The following ATP11A variants were observed in gnomAD, a reference collection of about 807,000 sequenced individuals.
The protein encoded by ATP11A is phospholipid-transporting ATPase IH.
Under a neutral mutation model 154.4 loss-of-function variants are expected in ATP11A, and 81 were observed. The observed-to-expected ratio is 0.52, with a 90% CI of 0.44 to 0.63. The LOEUF is 0.63. Ranked by LOEUF, ATP11A falls within the 30% of genes least tolerant of loss-of-function variation. The pLI is 0.00. For missense variants in ATP11A, 1,316 were observed against 1,474.3 expected, an observed-to-expected ratio of 0.89 and a Z score of 1.76; for synonymous variants, 623 against 585.9, an observed-to-expected ratio of 1.06 and a Z score of -0.91.
At chr13:112,717,990 C>G (rs1888675705) in intron 1 of ATP11A, among the ~76,000 whole-genome samples, 1 of 152,200 alleles carries the variant, frequency 6.6e-6, no homozygotes, top group Non-Finnish European at 1.5e-5. Flanking sequence ...TCAGGAGAAT[C>G]ACTTGAACCC....
intron 29 of ATP11A, among the ~76,000 whole-genome samples, chr13:112,879,052 T>G (rs1390083748): frequency 2.0e-5 from 3 of 152,254 alleles, no homozygotes; most frequent in Non-Finnish European, 4.4e-5. Context: ...GTGTCCATGA[T>G]AAGAGCCGAG....
chr13:112,804,593 C>G (rs916735472), intron 2 of ATP11A, among the ~76,000 whole-genome samples: 1 of 149,474 alleles, frequency 6.7e-6, no homozygotes, highest in Admixed American at 6.7e-5. Flanking sequence ...AGCTCGCTGT[C>G]ATGCTCTCAC....
At chr13:112,824,314 G>C (rs1462218927) in intron 9 of ATP11A, 30 bp from the exon 10 acceptor site, 23 of 1,576,874 alleles carry the variant, frequency 1.5e-5, no homozygotes, top group Non-Finnish European at 1.9e-5. Context: ...CTTGCGCCCT[G>C]GTCATCACCC....
chr13:112,864,496 A>G (rs1262380178), intron 25 of ATP11A, among the ~76,000 whole-genome samples: 1 of 85,356 alleles, frequency 1.2e-5, no homozygotes, highest in Non-Finnish European at 2.4e-5. Flanking sequence ...ATGCACAGTA[A>G]TTCAGTGCAG....
chr13:112,721,141 G>A (rs1177740045), intron 1 of ATP11A, among the ~76,000 whole-genome samples: 1 of 152,196 alleles, frequency 6.6e-6, no homozygotes, highest in Non-Finnish European at 1.5e-5. Context: ...GGAAGGGTCT[G>A]GGTTGTAAAT....
chr13:112,747,713 G>A (rs1892338638), intron 1 of ATP11A, among the ~76,000 whole-genome samples: 2 of 152,178 alleles, frequency 1.3e-5, no homozygotes, highest in Non-Finnish European at 1.5e-5. Flanking sequence ...GTGCACGCCT[G>A]TAATCCCAGC....
Position 112,690,408 on chromosome 13 carries a change from G to A in ATP11A, c.-9G>A, listed in dbSNP as rs755988977. The A allele has an allele frequency of 5.4e-6, 7 of 1,306,204 alleles. No homozygotes were observed. The highest frequency in any genetic ancestry group is 6.8e-6 in the Non-Finnish European group (7 of 1,027,206). 80.9% of individuals were successfully genotyped at this position (1,306,204 alleles called of 1,614,324 possible). ...GCTGAACGGCGGAGCGGGAGCGGCCGGAGGAGCCATGGACTGCAGCCTCGT... is the reference window on the plus strand; with the variant it reads ...GCTGAACGGCGGAGCGGGAGCGGCCAGAGGAGCCATGGACTGCAGCCTCGT... On this transcript the variant is annotated 5_prime_UTR_variant, in exon 1 of 30. Coordinates refer to ENST00000375645, the MANE Select transcript of ATP11A (RefSeq NM_015205.3). This position sits in a 1 kb window ranked among gnomAD's most constrained non-coding sequence, Gnocchi z 5.6.
intron 7 of ATP11A, 33 bp from the exon 8 acceptor site, chr13:112,819,867 G>A (rs199784908): frequency 3.7e-6 from 6 of 1,613,560 alleles, no homozygotes; most frequent in East Asian, 4.5e-5. Context: ...CGCTGGGCGC[G>A]TCCGGTCAGT....
chr13:112,863,482 C>T (rs1243596170), intron 25 of ATP11A, among the ~76,000 whole-genome samples: 1 of 150,508 alleles, frequency 6.6e-6, no homozygotes, highest in East Asian at 2.0e-4. Context: ...CAGTGCAGCC[C>T]ATGCAGCTTC....
intron 1 of ATP11A, among the ~76,000 whole-genome samples, chr13:112,704,892 C>A (rs1886969839): frequency 6.6e-6 from 1 of 152,184 alleles, no homozygotes; most frequent in African/African-American, 2.4e-5. Context: ...TCAGATTGCC[C>A]ACGAAGACAT....
chr13:112,768,652 C>T (rs733433), intron 1 of ATP11A, among the ~76,000 whole-genome samples: 1 of 152,226 alleles, frequency 6.6e-6, no homozygotes, highest in Non-Finnish European at 1.5e-5. Context: ...GACACGTATA[C>T]TAACATGTTT....
At chr13:112,736,020 A>G (rs1457390481) in intron 1 of ATP11A, among the ~76,000 whole-genome samples, 2 of 152,102 alleles carry the variant, frequency 1.3e-5, no homozygotes, top group East Asian at 1.9e-4. Context: ...GAGCAGGTGC[A>G]GGGCCTCCTC....
intron 10 of ATP11A, 83 bp from the exon 11 acceptor site, chr13:112,825,347 G>GGT: frequency 6.9e-7 from 1 of 1,442,666 alleles, no homozygotes; most frequent in African/African-American, 1.4e-5. Flanking sequence ...TTCTTCACGA[G>GGT]GTGTCATCTT....
At chr13:112,713,207 C>T (rs1887965047) in intron 1 of ATP11A, among the ~76,000 whole-genome samples, 1 of 152,120 alleles carries the variant, frequency 6.6e-6, no homozygotes, top group South Asian at 2.1e-4. Context: ...CCGGCCTGGC[C>T]AACATGGTGA....
intron 17 of ATP11A, among the ~76,000 whole-genome samples, chr13:112,849,604 T>C (rs770775303): frequency 2.6e-5 from 4 of 152,246 alleles, no homozygotes; most frequent in Non-Finnish European, 5.9e-5. Flanking sequence ...AGTCAGAGAA[T>C]TCATTCTGCA....
At chr13:112,839,514 TC>T (rs1379844861) in intron 16 of ATP11A, among the ~76,000 whole-genome samples, 1 of 152,136 alleles carries the variant, frequency 6.6e-6, no homozygotes, top group Non-Finnish European at 1.5e-5. Context: ...TATAGCCCTT[TC>T]TCTTCTCCAA....
intron 29 of ATP11A, chr13:112,880,956 C>T: frequency 1.0e-6 from 1 of 992,326 alleles, no homozygotes; most frequent in Non-Finnish European, 1.2e-6. Context: ...GGGGACACAG[C>T]TTCACTTAAA....
intron 1 of ATP11A, among the ~76,000 whole-genome samples, chr13:112,762,845 C>G (rs546323727): frequency 6.6e-6 from 1 of 152,242 alleles, no homozygotes; most frequent in Admixed American, 6.5e-5. Context: ...GGCCGGGGCA[C>G]TCAGTCACGT....
intron 29 of ATP11A, chr13:112,881,635 G>A: frequency 8.4e-7 from 1 of 1,191,070 alleles, no homozygotes; most frequent in South Asian, 1.5e-5. Context: ...GCCTCCATAT[G>A]GCTTCTCTGG....
Sources: allele counts gnomAD v4.1 joint callset (sites outside exome capture counted in the v4.1 genomes callset), GRCh38; gene constraint gnomAD v4.1.1; non-coding constraint Gnocchi (gnomAD v3.1); transcripts MANE v1.5; gene names NCBI Gene and HGNC (gene_info 2026-07-23, HGNC 2026-07-21).